Variants in ATE1 observed in about 807,000 individuals in gnomAD.
ATE1 encodes the protein arginyltransferase 1.
ATE1 carries 36 observed loss-of-function variants against 70.5 expected under a neutral mutation model. That is an observed-to-expected ratio of 0.51 (90% CI 0.39 to 0.67). The LOEUF (loss-of-function observed/expected upper bound fraction) is 0.67, where lower values mean the gene tolerates loss of function less well. Among genes scored for constraint, ATE1 ranks in the 30% least tolerant of loss-of-function variants. ATE1 has a pLI of 0.00. For synonymous variants in ATE1, 232 were observed against 219.3 expected (o/e 1.06, Z -0.51); for missense variants, 593 against 629.5 (o/e 0.94, Z 0.62).
chr10:121,922,379 T>C lies in ATE1; in HGVS notation c.203A>G (p.Asn68Ser), dbSNP rs1490223275. 1.2e-6 allele frequency: 2 copies of C among 1,600,780 alleles called. No individual in the cohort carries two copies. Among genetic ancestry groups the C allele is most frequent in the Non-Finnish European group, 1.7e-6 (2 of 1,169,466 alleles). The change falls in exon 3 of 12, where the codon AAT becomes AGT. Residue 68 changes from asparagine (N) to serine (S), a missense_variant. This residue lies in a region of ATE1 where 467 missense variants were observed against 469.6 expected (regional missense o/e 0.99). Transcript: ENST00000224652. The stretch of plus-strand genomic sequence containing the variant: ...TGTGTACTGAGGACAACATGTTTGA[T>C]TCATGACAGGTTTGTACACATATTT... ...SGKYVYKPVM[N>S]QTCCPQYTIR... is the part of the protein sequence containing the mutation.
chr10:121,784,178 A>T (rs1368115275), intron 11 of ATE1, among the ~76,000 whole-genome samples: 1 of 152,226 alleles, frequency 6.6e-6, no homozygotes, highest in Admixed American at 6.5e-5. Context: ...CAGCGCTCTA[A>T]CAAGTTTCAG....
Position 121,894,258 on chromosome 10 carries a change from T to A in ATE1, c.942+5608A>T, listed in dbSNP as rs116831279. On this transcript the variant is annotated intron_variant, in intron 7 of 11. Transcript: ENST00000224652. ...TTCAATCAAAACATTAAATGTGAAC[T>A]GATTTAACACTTCAATGAAAAGGGA... Among the ~76,000 whole-genome samples, 861 of 151,764 alleles carry A rather than the reference T, an allele frequency of 5.7e-3. 8 individuals carry two copies. The highest frequency in any genetic ancestry group is 0.02 in the African/African-American group (825 of 41,382).
chr10:121,778,569 T>A lies in ATE1; in HGVS notation c.1378+11600A>T, dbSNP rs1195311883. On this transcript the variant is annotated intron_variant, in intron 11 of 11. Coordinates refer to ENST00000224652, the MANE Select transcript of ATE1 (RefSeq NM_001001976.3). ...AAACCTCCAGATGTGGCCAGCTTTT[T>A]TTTTTTTTTTTTTTTTTTTTTTTTT... 2.5e-3 allele frequency among the ~76,000 whole-genome samples: 6 copies of A among 2,382 alleles called. No homozygotes were observed. The South Asian group carries it at 0.091, about 36-fold the overall frequency. 1.6% of individuals were successfully genotyped at this position (2,382 alleles called of 152,430 possible). A position where few individuals can be genotyped will look rare whatever the true frequency, so the allele number is the denominator to read the frequency against.
At chr10:121,918,594 T>C (rs1000720737) in intron 3 of ATE1, among the ~76,000 whole-genome samples, 11 of 152,190 alleles carry the variant, frequency 7.2e-5, no homozygotes, top group African/African-American at 2.4e-4. Context: ...AACTTATGAA[T>C]AGAATCCTGT....
intron 6 of ATE1, among the ~76,000 whole-genome samples, chr10:121,901,733 G>A (rs1950990346): frequency 6.6e-6 from 1 of 152,156 alleles, no homozygotes; most frequent in Non-Finnish European, 1.5e-5. Flanking sequence ...TAGGATTACA[G>A]GTGTGAGCCA....
At chr10:121,827,380 C>T (rs1012808714) in intron 10 of ATE1, among the ~76,000 whole-genome samples, 9 of 152,034 alleles carry the variant, frequency 5.9e-5, no homozygotes, top group African/African-American at 1.7e-4. Context: ...GCTGATGGCC[C>T]GCAATTCCTG....
chr10:121,911,816 G>A (rs74500832), intron 4 of ATE1, among the ~76,000 whole-genome samples: 15,234 of 146,322 alleles, frequency 0.1, 23 homozygotes, highest in East Asian at 0.15. Flanking sequence ...GCGCGACCTC[G>A]GCTCACTGCA....
chr10:121,758,211 G>GT (rs1288480878), intron 11 of ATE1, among the ~76,000 whole-genome samples: 1 of 152,212 alleles, frequency 6.6e-6, no homozygotes, highest in African/African-American at 2.4e-5. Flanking sequence ...TTGCCTATAA[G>GT]TTTTTTGTTT....
At chr10:121,751,964 C>T (rs1409360221) in intron 11 of ATE1, among the ~76,000 whole-genome samples, 4 of 151,824 alleles carry the variant, frequency 2.6e-5, no homozygotes, top group African/African-American at 2.4e-5. Flanking sequence ...GAGGCTGAGG[C>T]GCATGGATCG....
chr10:121,923,846 G>GT (rs1951976788), intron 2 of ATE1, among the ~76,000 whole-genome samples: 1 of 152,272 alleles, frequency 6.6e-6, no homozygotes, highest in East Asian at 1.9e-4. Context: ...TATTAATTTT[G>GT]TAAGGTGTGA....
chr10:121,757,155 G>A (rs895344209), intron 11 of ATE1, among the ~76,000 whole-genome samples: 1 of 152,130 alleles, frequency 6.6e-6, no homozygotes, highest in African/African-American at 2.4e-5. Flanking sequence ...TCTAGGGCAG[G>A]GAGAAAATTC....
intron 11 of ATE1, among the ~76,000 whole-genome samples, chr10:121,776,936 A>C (rs1161123797): frequency 1.3e-5 from 2 of 152,226 alleles, no homozygotes. Context: ...GAAATTGAGC[A>C]CAGTTATGGA....
chr10:121,827,451 C>A (rs1218586518), intron 10 of ATE1, among the ~76,000 whole-genome samples: 1 of 152,190 alleles, frequency 6.6e-6, no homozygotes, highest in Non-Finnish European at 1.5e-5. Context: ...AGCACCACTG[C>A]GGACAGCAGC....
chr10:121,919,966 T>C (rs1275712839), intron 3 of ATE1, among the ~76,000 whole-genome samples: 1 of 151,790 alleles, frequency 6.6e-6, no homozygotes, highest in African/African-American at 2.4e-5. Context: ...CCAGCTCTCA[T>C]CGACTTCTCA....
At chr10:121,854,166 A>C (rs1949159158) in intron 8 of ATE1, among the ~76,000 whole-genome samples, 1 of 152,074 alleles carries the variant, frequency 6.6e-6, no homozygotes, top group East Asian at 1.9e-4. Flanking sequence ...TAACTTGTAG[A>C]TTTCTGTTGG....
chr10:121,921,387 C>T (rs1951876051), intron 3 of ATE1, among the ~76,000 whole-genome samples: 1 of 150,416 alleles, frequency 6.6e-6, no homozygotes, highest in African/African-American at 2.4e-5. Context: ...CGACTTGTCC[C>T]AGAGGCAGCA....
chr10:121,758,267 G>A (rs1430840414), intron 11 of ATE1, among the ~76,000 whole-genome samples: 1 of 152,138 alleles, frequency 6.6e-6, no homozygotes, highest in Non-Finnish European at 1.5e-5. Flanking sequence ...GGTCACAAAA[G>A]CTATTAAGCT....
chr10:121,820,154 AAAATAAAT>A (rs539613199), intron 10 of ATE1, among the ~76,000 whole-genome samples: 4 of 152,024 alleles, frequency 2.6e-5, no homozygotes, highest in Admixed American at 1.3e-4. Context: ...AAAATAAACA[AAAATAAAT>A]AAATAAATAA....
At chr10:121,866,846 CAAAAAAAAAAA>C (rs35535465) in intron 8 of ATE1, among the ~76,000 whole-genome samples, 2 of 102,958 alleles carry the variant, frequency 1.9e-5, no homozygotes, top group African/African-American at 8.5e-5. Context: ...GACTCTGTCT[CAAAAAAAAAAA>C]AAAAAAAAAT....
Sources: gnomAD v4.1 joint callset for allele counts (sites outside exome capture counted in the v4.1 genomes callset) on GRCh38, gnomAD v4.1.1 for gene constraint, gnomAD v4.1.1 regional missense constraint, MANE v1.5 for transcripts, NCBI Gene and HGNC (gene_info 2026-07-23, HGNC 2026-07-21) for gene names.